Variants in PTPRA observed in about 807,000 individuals in gnomAD.
PTPRA encodes protein tyrosine phosphatase receptor type A, also known as receptor-type tyrosine-protein phosphatase alpha.
Under a neutral mutation model 104.8 loss-of-function variants are expected in PTPRA, and 25 were observed. The ratio of observed to expected loss-of-function variants is 0.24; its 90% CI spans 0.17 to 0.33. PTPRA has a LOEUF of 0.33. PTPRA is among the 10% of genes least tolerant of loss of function. The pLI, the probability that PTPRA is intolerant of heterozygous loss-of-function variation, is 1.00. For missense variants in PTPRA, 765 were observed against 1,015.3 expected, an observed-to-expected ratio of 0.75 and a Z score of 3.35; for synonymous variants, 323 against 368.9, an observed-to-expected ratio of 0.88 and a Z score of 1.43.
Position 3,032,611 on chromosome 20 carries a change from C to CA in PTPRA, c.1921-2969dup, listed in dbSNP as rs372636500. On this transcript the variant is annotated intron_variant, in intron 20 of 23. Coordinates refer to ENST00000399903, the MANE Select transcript of PTPRA (RefSeq NM_001385305.1). ...CAAAACCCCATCTCTACTAAAAATA[C>CA]AAAAATTAGCTGGGCGCGATGGTGC... 6.2e-4 allele frequency among the ~76,000 whole-genome samples: 94 copies of CA among 151,864 alleles called. 1 individual carries two copies. The highest frequency in any genetic ancestry group is 2.2e-3 in the African/African-American group (90 of 41,442).
chr20:2,899,602 CT>C (rs2059151573), intron 1 of PTPRA, among the ~76,000 whole-genome samples: 1 of 152,262 alleles, frequency 6.6e-6, no homozygotes. Flanking sequence ...ATGTAAACAA[CT>C]TTGGTCGTTA....
rs1034275737 is a variant in PTPRA, at chr20:3,002,140, CA to C, written c.739-2907del. Among the ~76,000 whole-genome samples, 58 of 145,628 alleles carry C rather than the reference CA, an allele frequency of 4.0e-4. No individual in the cohort carries two copies. In the East Asian group the frequency reaches 8.0e-3, roughly 20 times the overall value. On this transcript the variant is annotated intron_variant, in intron 9 of 23. Coordinates refer to ENST00000399903, the MANE Select transcript of PTPRA (RefSeq NM_001385305.1). ...GGGTGACAGAGCGAGACCCTGTCTC[CA>C]AAAAAAAACAACAAAAAACTCTTGC...
chr20:2,947,321 G>C (rs530050924), intron 2 of PTPRA, among the ~76,000 whole-genome samples: 1 of 152,186 alleles, frequency 6.6e-6, no homozygotes, highest in Non-Finnish European at 1.5e-5. Flanking sequence ...TGTATTTTCT[G>C]TCTTTGGCCA....
rs796072348 is a variant in PTPRA at position 2,933,488 on chromosome 20, CA to C, written c.-50+10204del. Among the ~76,000 whole-genome samples, 368 of 151,064 alleles carry C rather than the reference CA, an allele frequency of 2.4e-3. 1 individual carries two copies. Among genetic ancestry groups the C allele is most frequent in the African/African-American group, 8.1e-3 (334 of 41,134 alleles). On this transcript the variant is annotated intron_variant, in intron 2 of 23. Coordinates refer to ENST00000399903, the MANE Select transcript of PTPRA (RefSeq NM_001385305.1). ...GTTGGGTTTTTTTTTTGAGACAGAT[CA>C]TCACTCTGTTACCCAGGCTGGAATG...
intron 20 of PTPRA, among the ~76,000 whole-genome samples, chr20:3,029,426 C>T (rs781274743): frequency 6.6e-6 from 1 of 151,938 alleles, no homozygotes; most frequent in Non-Finnish European, 1.5e-5. Flanking sequence ...CAGGTTTGAA[C>T]CACCTTGCCC....
At chr20:2,904,205 G>A (rs545728442) in intron 1 of PTPRA, among the ~76,000 whole-genome samples, 2 of 152,122 alleles carry the variant, frequency 1.3e-5, no homozygotes, top group South Asian at 2.1e-4. Context: ...GAGCCATGGC[G>A]CCCAGTCTAT....
chr20:2,916,773 T>C (rs1292183295), intron 1 of PTPRA, among the ~76,000 whole-genome samples: 1 of 152,162 alleles, frequency 6.6e-6, no homozygotes, highest in Non-Finnish European at 1.5e-5. Context: ...CATTTAAAAC[T>C]ATTCCATTGA....
chr20:2,874,409 A>G (rs1460913647), intron 1 of PTPRA, among the ~76,000 whole-genome samples: 1 of 151,970 alleles, frequency 6.6e-6, no homozygotes, highest in Non-Finnish European at 1.5e-5. Flanking sequence ...AAAAAATAGC[A>G]GAGCAGAGTC....
chr20:2,996,943 A>G (rs374922539), intron 9 of PTPRA, among the ~76,000 whole-genome samples: 19 of 152,336 alleles, frequency 1.2e-4, no homozygotes, highest in Admixed American at 3.9e-4. Context: ...AGCTTCTGAG[A>G]TTCTTAACAG....
intron 13 of PTPRA, among the ~76,000 whole-genome samples, chr20:3,019,255 A>AC (rs1243311920): frequency 4.5e-5 from 6 of 134,082 alleles, no homozygotes; most frequent in South Asian, 5.0e-4. Context: ...CGGGGGGCTG[A>AC]CCCCCCCACC....
intron 1 of PTPRA, among the ~76,000 whole-genome samples, chr20:2,888,247 G>C (rs1254334529): frequency 6.6e-6 from 1 of 152,116 alleles, no homozygotes; most frequent in Non-Finnish European, 1.5e-5. Context: ...TGACATGGTG[G>C]GGAAGACGTA....
intron 11 of PTPRA, among the ~76,000 whole-genome samples, chr20:3,014,772 T>G (rs1305170639): frequency 6.6e-6 from 1 of 152,200 alleles, no homozygotes; most frequent in African/African-American, 2.4e-5. Context: ...TGAAGCTGCC[T>G]CCCTTGTTAC....
intron 1 of PTPRA, among the ~76,000 whole-genome samples, chr20:2,899,264 CAAAT>C (rs899569424): frequency 6.6e-6 from 1 of 152,026 alleles, no homozygotes; most frequent in African/African-American, 2.4e-5. Flanking sequence ...AAAAAATAAA[CAAAT>C]AAATAAAATA....
At chr20:2,962,199 A>G (rs989614578) in intron 3 of PTPRA, among the ~76,000 whole-genome samples, 1 of 152,210 alleles carries the variant, frequency 6.6e-6, no homozygotes, top group African/African-American at 2.4e-5. Flanking sequence ...CATCTTGACA[A>G]TATTGAGTCT....
intron 1 of PTPRA, among the ~76,000 whole-genome samples, chr20:2,918,300 G>A (rs2059983044): frequency 6.6e-6 from 1 of 152,098 alleles, no homozygotes; most frequent in African/African-American, 2.4e-5. Flanking sequence ...ACAGGCACAT[G>A]CCACTGTGCC....
At chr20:2,975,178 C>T (rs2062378655) in intron 5 of PTPRA, 37 bp from the exon 6 acceptor site, 1 of 1,531,530 alleles carries the variant, frequency 6.5e-7, no homozygotes, top group Non-Finnish European at 9.0e-7. Context: ...GTTTCTTTAA[C>T]CTGAATGAAT....
Position 2,943,612 on chromosome 20 carries a change from T to C in PTPRA, c.-49-4370T>C, listed in dbSNP as rs187267188. On this transcript the variant is annotated intron_variant, in intron 2 of 23. Coordinates refer to ENST00000399903, the MANE Select transcript of PTPRA (RefSeq NM_001385305.1). The stretch of plus-strand genomic sequence containing the variant: ...GACACTGTGGTGTGGCCCAACCAAA[T>C]TAACAATCACAAGTCTACTCTTTAT... Among the ~76,000 whole-genome samples the C allele has an allele frequency of 2.5e-4, 38 of 152,298 alleles. No homozygotes were observed. The East Asian group carries it at 7.1e-3, about 29-fold the overall frequency.
At chr20:2,883,347 T>A (rs1490480727) in intron 1 of PTPRA, among the ~76,000 whole-genome samples, 1 of 152,280 alleles carries the variant, frequency 6.6e-6, no homozygotes, top group South Asian at 2.1e-4. Flanking sequence ...AGGAACTACT[T>A]CTTTTCTTAG....
chr20:2,970,829 C>T (rs946978671), intron 5 of PTPRA, among the ~76,000 whole-genome samples: 4 of 151,954 alleles, frequency 2.6e-5, no homozygotes, highest in Non-Finnish European at 4.4e-5. Flanking sequence ...TGTGTGTACA[C>T]GCACTTAAGT....
Sources: gnomAD v4.1 joint callset for allele counts (sites outside exome capture counted in the v4.1 genomes callset) on GRCh38, gnomAD v4.1.1 for gene constraint, MANE v1.5 for transcripts, NCBI Gene and HGNC (gene_info 2026-07-23, HGNC 2026-07-21) for gene names.